Variants in OXR1 observed in about 807,000 individuals in gnomAD.
The protein encoded by OXR1 is oxidation resistance 1.
OXR1 carries 41 observed loss-of-function variants against 104.6 expected under a neutral mutation model. That is an observed-to-expected ratio of 0.39 (90% CI 0.31 to 0.51). The LOEUF (loss-of-function observed/expected upper bound fraction) is 0.51. Among genes scored for constraint, OXR1 ranks in the 20% least tolerant of loss-of-function variants. The pLI is 0.77. For missense variants in OXR1, 955 were observed against 1,031.9 expected (o/e 0.93, Z 1.02); for synonymous variants, 348 against 348.4 (o/e 1.00, Z 0.01).
intron 3 of OXR1, among the ~76,000 whole-genome samples, chr8:106,635,213 A>AAT (rs1823028482): frequency 6.6e-6 from 1 of 152,220 alleles, no homozygotes; most frequent in Admixed American, 6.5e-5. Flanking sequence ...CAAATCTTTT[A>AAT]AAATTTAGGC....
chr8:106,730,485 G>A (rs935421802), intron 11 of OXR1, among the ~76,000 whole-genome samples: 7 of 151,986 alleles, frequency 4.6e-5, no homozygotes, highest in African/African-American at 1.4e-4. Context: ...CATATAGTAC[G>A]TAGCCTTTTC....
chr8:106,329,514 A>C (rs1814623522), intron 1 of OXR1, among the ~76,000 whole-genome samples: 2 of 151,390 alleles, frequency 1.3e-5, no homozygotes, highest in South Asian at 4.2e-4. Flanking sequence ...CGCCTGGCTA[A>C]TTTTTTGTAT....
intron 1 of OXR1, among the ~76,000 whole-genome samples, chr8:106,303,230 G>C (rs1368212390): frequency 2.7e-5 from 4 of 148,546 alleles, no homozygotes; most frequent in African/African-American, 9.9e-5. Context: ...CCAGGAACTT[G>C]GCAATTTTTT....
rs1224289841 is a variant in OXR1, at chr8:106,694,801, C to T, written c.675+1924C>T. 1.9e-5 allele frequency among the ~76,000 whole-genome samples: 2 copies of T among 105,426 alleles called. 1 individual carries two copies. Among genetic ancestry groups the T allele is most frequent in the Non-Finnish European group, 3.6e-5 (2 of 54,800 alleles). The allele number at this position is 105,426 out of a possible 152,430, so 69.2% of individuals were successfully genotyped here. ...TACATATATATTTAATAGATAAATA[C>T]ATATATATTTAATAGATAAATACAT... On this transcript the variant is annotated intron_variant, in intron 7 of 16. Coordinates refer to ENST00000517566, the MANE Select transcript of OXR1 (RefSeq NM_001198533.2).
intron 3 of OXR1, among the ~76,000 whole-genome samples, chr8:106,539,772 T>C (rs563027109): frequency 6.6e-6 from 1 of 152,230 alleles, no homozygotes; most frequent in East Asian, 1.9e-4. Context: ...AGAGTAATAA[T>C]AAGGGGTCAG....
chr8:106,710,310 A>G (rs540634169), intron 9 of OXR1, among the ~76,000 whole-genome samples: 1 of 151,978 alleles, frequency 6.6e-6, no homozygotes, highest in Admixed American at 6.6e-5. Flanking sequence ...ATGTGTGTGT[A>G]TATATATATG....
At chr8:106,372,091 G>C (rs1816730791) in intron 2 of OXR1, among the ~76,000 whole-genome samples, 2 of 152,236 alleles carry the variant, frequency 1.3e-5, no homozygotes, top group Admixed American at 6.5e-5. Context: ...GCAGATTCCA[G>C]CTGAGAGGCT....
intron 3 of OXR1, among the ~76,000 whole-genome samples, chr8:106,545,205 C>A (rs552464581): frequency 8.5e-5 from 13 of 152,052 alleles, no homozygotes; most frequent in Admixed American, 2.6e-4. Context: ...CTAGACACTG[C>A]CGTATAATAC....
chr8:106,290,331 T>C (rs1260626846), intron 1 of OXR1, among the ~76,000 whole-genome samples: 1 of 152,104 alleles, frequency 6.6e-6, no homozygotes, highest in Non-Finnish European at 1.5e-5. Flanking sequence ...AAATGTAAGA[T>C]CTCAAGCTAC....
chr8:106,344,300 AG>A (rs1815384843), intron 1 of OXR1, among the ~76,000 whole-genome samples: 1 of 152,056 alleles, frequency 6.6e-6, no homozygotes, highest in Non-Finnish European at 1.5e-5. Flanking sequence ...CAGGGTACAA[AG>A]ATAGCTAGCC....
chr8:106,695,541 C>G (rs1204377330), intron 7 of OXR1, among the ~76,000 whole-genome samples: 2 of 151,908 alleles, frequency 1.3e-5, no homozygotes, highest in Admixed American at 6.6e-5. Flanking sequence ...CCTCAGCCTC[C>G]TGAGTAGCTG....
At chr8:106,403,485 C>G (rs1235025097) in intron 2 of OXR1, among the ~76,000 whole-genome samples, 1 of 152,226 alleles carries the variant, frequency 6.6e-6, no homozygotes, top group Non-Finnish European at 1.5e-5. Context: ...TTGTGGAGCT[C>G]TTCAAGAATG....
At chr8:106,501,484 T>C (rs1037173119) in intron 2 of OXR1, among the ~76,000 whole-genome samples, 1 of 152,206 alleles carries the variant, frequency 6.6e-6, no homozygotes, top group African/African-American at 2.4e-5. Flanking sequence ...ATCTGAATTA[T>C]GTTTTTTAAA....
At chr8:106,622,715 A>G (rs970753137) in intron 3 of OXR1, among the ~76,000 whole-genome samples, 1 of 151,944 alleles carries the variant, frequency 6.6e-6, no homozygotes, top group African/African-American at 2.4e-5. Context: ...CTGTACCTAA[A>G]ATTTCAAATC....
chr8:106,485,208 T>C (rs1810569877), intron 2 of OXR1, among the ~76,000 whole-genome samples: 1 of 152,030 alleles, frequency 6.6e-6, no homozygotes, highest in African/African-American at 2.4e-5. Flanking sequence ...ATTTTTAGGG[T>C]AGTGAAAATA....
intron 3 of OXR1, among the ~76,000 whole-genome samples, chr8:106,547,852 T>A (rs531082776): frequency 6.6e-6 from 1 of 152,286 alleles, no homozygotes; most frequent in African/African-American, 2.4e-5. Context: ...TGTGTCACAT[T>A]TTGCTTACTC....
At chr8:106,661,284 C>T (rs962695134) in intron 3 of OXR1, among the ~76,000 whole-genome samples, 6 of 152,208 alleles carry the variant, frequency 3.9e-5, no homozygotes, top group African/African-American at 1.4e-4. Flanking sequence ...TTCCTTTACT[C>T]CTCTCCAAGG....
Position 106,500,603 on chromosome 8 carries a change from G to A in OXR1, c.24-18340G>A, listed in dbSNP as rs1389927018. The stretch of plus-strand genomic sequence containing the variant: ...TTGACGATGCTCCCAGCTGAATAAA[G>A]CCCTTCCTTCTACAACTTGGTGTCT... On this transcript the variant is annotated intron_variant, in intron 2 of 16. Transcript: ENST00000517566. Among the ~76,000 whole-genome samples, 3 of 152,140 alleles carry A rather than the reference G, an allele frequency of 2.0e-5. No individual in the cohort carries two copies. The South Asian group carries it at 6.2e-4, about 32-fold the overall frequency.
rs1830720247 is a variant in OXR1 at position 106,703,001 on chromosome 8, A to G, written c.771A>G (p.Glu257=). 6.2e-7 allele frequency: 1 copy of G among 1,613,610 alleles called. No homozygotes were observed. Among genetic ancestry groups the G allele is most frequent in the African/African-American group, 1.3e-5 (1 of 74,930 alleles). The part of the protein sequence containing the change: ...DPLVQENGCE[E]YGIMCPMEEV... ...TGGTTCAAGAGAATGGCTGTGAGGA[A>G]TATGGCATCATGTGTCCAATGGAAG... Residue 257 remains glutamate (E), a synonymous_variant, in exon 8 of 17, where the codon GAA becomes GAG. Transcript: ENST00000517566.
Sources: gnomAD v4.1 joint callset for allele counts (sites outside exome capture counted in the v4.1 genomes callset) on GRCh38, gnomAD v4.1.1 for gene constraint, MANE v1.5 for transcripts, NCBI Gene and HGNC (gene_info 2026-07-23, HGNC 2026-07-21) for gene names.